Variants in SCN8A observed in about 807,000 individuals in gnomAD.
The protein encoded by SCN8A is sodium voltage-gated channel alpha subunit 8.
SCN8A carries 30 observed loss-of-function variants against 184.1 expected under a neutral mutation model. The observed-to-expected ratio is 0.16, with a 90% CI of 0.12 to 0.22. The LOEUF is 0.22. Among genes scored for constraint, SCN8A ranks in the 10% least tolerant of loss-of-function variants. The pLI is 1.00. For missense variants in SCN8A, 1,057 were observed against 2,498.9 expected (o/e 0.42, Z 12.30); for synonymous variants, 852 against 907.0 (o/e 0.94, Z 1.09).
intron 19 of SCN8A, among the ~76,000 whole-genome samples, chr12:51,771,039 A>T (rs1397796152): frequency 6.6e-6 from 1 of 152,088 alleles, no homozygotes; most frequent in Non-Finnish European, 1.5e-5. Context: ...TCCTCCACTT[A>T]CTGTCCCTTC....
chr12:51,776,842 TTC>T (rs1208294569), intron 20 of SCN8A, among the ~76,000 whole-genome samples: 1 of 152,238 alleles, frequency 6.6e-6, no homozygotes, highest in Non-Finnish European at 1.5e-5. Flanking sequence ...TCGCATTTGT[TTC>T]CCTAATTGAT....
At chr12:51,628,584 G>C (rs1206274142) in intron 1 of SCN8A, among the ~76,000 whole-genome samples, 1 of 152,108 alleles carries the variant, frequency 6.6e-6, no homozygotes, top group Non-Finnish European at 1.5e-5. Context: ...TGGGAGTGGT[G>C]GGGGGAAAGG....
Position 51,721,625 on chromosome 12 carries a change from G to C in SCN8A, c.1715G>C (p.Gly572Ala). The C allele has an allele frequency of 6.2e-7, 1 of 1,612,958 alleles. No homozygotes were observed. Among genetic ancestry groups the C allele is most frequent in the Non-Finnish European group, 8.5e-7 (1 of 1,179,516 alleles). ...KSSIFSFRGP[G>A]RFRDPGSENE... The stretch of plus-strand genomic sequence containing the variant: ...AGCATCTTCAGTTTCAGGGGACCTG[G>C]GCGGTTCCGAGACCCGGGCTCCGAG... Residue 572 changes from glycine to alanine, a missense_variant, in exon 12 of 27, where the codon GGG (glycine) becomes GCG (alanine). Gly to Ala is a moderately conservative substitution (Grantham distance 60, BLOSUM62 0). Coordinates refer to ENST00000627620, the MANE Select transcript of SCN8A (RefSeq NM_001330260.2).
chr12:51,716,445 A>C (rs1263219167), intron 11 of SCN8A, among the ~76,000 whole-genome samples: 1 of 152,220 alleles, frequency 6.6e-6, no homozygotes, highest in Non-Finnish European at 1.5e-5. Flanking sequence ...AGGAAGAAGC[A>C]GAAGGGCTGG....
chr12:51,796,095 C>CGA (rs1565929832), intron 26 of SCN8A, among the ~76,000 whole-genome samples: 1 of 151,964 alleles, frequency 6.6e-6, no homozygotes, highest in East Asian at 1.9e-4. Flanking sequence ...CTTTATTAGA[C>CGA]CAGTTTCCTT....
At chr12:51,640,730 A>G (rs1940434075) in intron 1 of SCN8A, among the ~76,000 whole-genome samples, 1 of 152,226 alleles carries the variant, frequency 6.6e-6, no homozygotes, top group Non-Finnish European at 1.5e-5. Flanking sequence ...AGCCATGGCT[A>G]TCAAACCCAA....
At chr12:51,804,143 C>T (rs1938626706) in intron 26 of SCN8A, among the ~76,000 whole-genome samples, 1 of 152,168 alleles carries the variant, frequency 6.6e-6, no homozygotes, top group Admixed American at 6.5e-5. Context: ...TTCTGTGGCC[C>T]CTCATTTGGG....
At chr12:51,714,460 A>G (rs928388514) in intron 11 of SCN8A, among the ~76,000 whole-genome samples, 1 of 152,218 alleles carries the variant, frequency 6.6e-6, no homozygotes, top group Non-Finnish European at 1.5e-5. Context: ...TTTAAATATT[A>G]TGAAACTGTC....
chr12:51,764,523 T>A, intron 15 of SCN8A, among the ~76,000 whole-genome samples: 1 of 151,992 alleles, frequency 6.6e-6, no homozygotes. Context: ...TAATCCCAGC[T>A]ACCTGGGAGG....
At chr12:51,645,224 C>T (rs1283988543) in intron 1 of SCN8A, among the ~76,000 whole-genome samples, 9 of 148,720 alleles carry the variant, frequency 6.1e-5, no homozygotes, top group African/African-American at 1.5e-4. Context: ...GCCCCCCGCC[C>T]GGCCAGCCGC....
chr12:51,744,441 C>A, intron 12 of SCN8A, among the ~76,000 whole-genome samples: 1 of 152,294 alleles, frequency 6.6e-6, no homozygotes, highest in East Asian at 1.9e-4. Context: ...GCCACCACCA[C>A]AAGTCATTCT....
At chr12:51,642,617 A>G (rs1940479535) in intron 1 of SCN8A, among the ~76,000 whole-genome samples, 1 of 152,030 alleles carries the variant, frequency 6.6e-6, no homozygotes, top group South Asian at 2.1e-4. Context: ...TTATATTTAT[A>G]GTTGTATACC....
chr12:51,633,547 T>A (rs1342945478), intron 1 of SCN8A, among the ~76,000 whole-genome samples: 1 of 152,232 alleles, frequency 6.6e-6, no homozygotes, highest in African/African-American at 2.4e-5. Flanking sequence ...CTTTCTCTCC[T>A]TGGTGCTCTG....
intron 1 of SCN8A, among the ~76,000 whole-genome samples, chr12:51,595,687 A>G (rs1939332213): frequency 6.6e-6 from 1 of 152,148 alleles, no homozygotes; most frequent in Admixed American, 6.5e-5. Flanking sequence ...CTGTTTCCTT[A>G]TGGTTTCTGA....
chr12:51,706,617 G>A lies in SCN8A; in HGVS notation c.1537G>A (p.Glu513Lys), dbSNP rs1246972517. 8 of 1,608,856 alleles carry A rather than the reference G, an allele frequency of 5.0e-6. No homozygotes were observed. In the South Asian group the frequency reaches 5.6e-5, roughly 11 times the overall value. ...TGAAGGAGAGGAGAAAGGGGATCCC[G>A]AGAAGGTGTTTAAGTCAGAGTCAGA... Reference protein sequence around the residue: ...LSEGEEKGDPEKVFKSESEDG... With the variant: ...LSEGEEKGDPKKVFKSESEDG... Residue 513 changes from glutamate (E) to lysine (K), a missense_variant, in exon 11 of 27, where the codon GAG (glutamate) becomes AAG (lysine). This residue lies in a region of SCN8A where 322 missense variants were observed against 390.1 expected (regional missense o/e 0.83). Transcript: ENST00000627620.
At chr12:51,801,589 A>G (rs1008647921) in intron 26 of SCN8A, among the ~76,000 whole-genome samples, 4 of 152,208 alleles carry the variant, frequency 2.6e-5, no homozygotes, top group African/African-American at 9.7e-5. Flanking sequence ...CAAATAAACT[A>G]TTAGAACCTT....
chr12:51,695,450 A>G (rs1418569781), intron 6 of SCN8A, among the ~76,000 whole-genome samples: 1 of 152,206 alleles, frequency 6.6e-6, no homozygotes, highest in Non-Finnish European at 1.5e-5. Flanking sequence ...CATCTCCAGG[A>G]AAGTGAATTC....
intron 1 of SCN8A, among the ~76,000 whole-genome samples, chr12:51,653,990 TA>T (rs1440220522): frequency 6.6e-6 from 1 of 152,230 alleles, no homozygotes; most frequent in Admixed American, 6.5e-5. Flanking sequence ...TGGTCATTTT[TA>T]TATCTGTTTT....
chr12:51,626,629 T>C (rs1383012141), intron 1 of SCN8A, among the ~76,000 whole-genome samples: 2 of 152,158 alleles, frequency 1.3e-5, no homozygotes, highest in Non-Finnish European at 2.9e-5. Flanking sequence ...AGGGCTTTAA[T>C]CAAACAGATG....
Sources: gnomAD v4.1 joint callset for allele counts (sites outside exome capture counted in the v4.1 genomes callset) on GRCh38, gnomAD v4.1.1 for gene constraint, gnomAD v4.1.1 regional missense constraint, MANE v1.5 for transcripts, NCBI Gene and HGNC (gene_info 2026-07-23, HGNC 2026-07-21) for gene names.